Variants in CDH12 observed in about 807,000 individuals in gnomAD.
CDH12 encodes the protein cadherin-12.
In CDH12, 41 loss-of-function variants were observed where a neutral mutation model predicts 74.1. The observed-to-expected ratio is 0.55, with a 90% CI of 0.43 to 0.72. The LOEUF (loss-of-function observed/expected upper bound fraction) is 0.72. CDH12 is among the 30% of genes least tolerant of loss of function. The pLI, the probability that CDH12 is intolerant of heterozygous loss-of-function variation, is 0.00. For synonymous variants in CDH12, 399 were observed against 355.0 expected (o/e 1.12, Z -1.39); for missense variants, 945 against 977.2 (o/e 0.97, Z 0.44).
At chr5:22,625,786 A>G (rs1738257865) in intron 1 of CDH12, among the ~76,000 whole-genome samples, 1 of 152,100 alleles carries the variant, frequency 6.6e-6, no homozygotes, top group Non-Finnish European at 1.5e-5. Context: ...CTTTCCTGGC[A>G]GACCACACCT....
At chr5:22,377,322 G>C (rs534522038) in intron 3 of CDH12, among the ~76,000 whole-genome samples, 1 of 152,256 alleles carries the variant, frequency 6.6e-6, no homozygotes, top group East Asian at 1.9e-4. Context: ...GACAGCAACA[G>C]AGTTTATAAA....
At position 22,363,003 on chromosome 5, in the gene CDH12, G is replaced by C. The variant is rs1312344229; in HGVS notation, c.-333+42254C>G. Among the ~76,000 whole-genome samples, 3 of 149,904 alleles carry C rather than the reference G, an allele frequency of 2.0e-5. No homozygotes were observed. In the East Asian group the frequency reaches 5.8e-4, roughly 29 times the overall value. On this transcript the variant is annotated intron_variant, in intron 3 of 14. Coordinates refer to ENST00000382254, the MANE Select transcript of CDH12 (RefSeq NM_004061.5). ...GCTAAATGACGAGTTAATGGGTGCA[G>C]CACACCAACATGGCACATGTATATG...
chr5:22,302,496 A>G (rs1428317161), intron 3 of CDH12, among the ~76,000 whole-genome samples: 1 of 152,168 alleles, frequency 6.6e-6, no homozygotes, highest in East Asian at 1.9e-4. Flanking sequence ...GGATAGGTTG[A>G]ATTTAAACCG....
intron 1 of CDH12, among the ~76,000 whole-genome samples, chr5:22,714,219 G>T (rs1580917672): frequency 6.6e-6 from 1 of 152,166 alleles, no homozygotes; most frequent in East Asian, 1.9e-4. Flanking sequence ...AGAGCGATTT[G>T]GGCACTTGAT....
At chr5:21,925,941 T>A (rs1350352085) in intron 6 of CDH12, among the ~76,000 whole-genome samples, 1 of 149,522 alleles carries the variant, frequency 6.7e-6, no homozygotes. Context: ...ATGCTTTTGA[T>A]AAAAAAAAAA....
intron 1 of CDH12, among the ~76,000 whole-genome samples, chr5:22,837,265 T>A (rs1290023999): frequency 6.6e-6 from 1 of 151,696 alleles, no homozygotes; most frequent in Non-Finnish European, 1.5e-5. Context: ...GAACAAAAAT[T>A]TTAAAAAAAT....
chr5:21,921,929 C>T (rs1262751409), intron 6 of CDH12, among the ~76,000 whole-genome samples: 1 of 152,184 alleles, frequency 6.6e-6, no homozygotes, highest in Non-Finnish European at 1.5e-5. Context: ...GGCTAACTCA[C>T]TGTCAAAGCT....
At chr5:21,907,449 G>T (rs958679915) in intron 6 of CDH12, among the ~76,000 whole-genome samples, 1 of 152,194 alleles carries the variant, frequency 6.6e-6, no homozygotes, top group African/African-American at 2.4e-5. Context: ...TCCTATGTTG[G>T]CAAAGGGAGG....
At chr5:21,759,441 A>C (rs1744590996) in intron 13 of CDH12, among the ~76,000 whole-genome samples, 1 of 150,020 alleles carries the variant, frequency 6.7e-6, no homozygotes, top group African/African-American at 2.5e-5. Flanking sequence ...ATAAAAGTAT[A>C]AGTGTAAACC....
intron 4 of CDH12, among the ~76,000 whole-genome samples, chr5:22,155,781 A>C (rs1413397743): frequency 6.6e-6 from 1 of 152,194 alleles, no homozygotes; most frequent in East Asian, 1.9e-4. Flanking sequence ...CACAGGCAAC[A>C]CTGATGTAAA....
intron 1 of CDH12, among the ~76,000 whole-genome samples, chr5:22,606,958 T>C (rs887321211): frequency 3.9e-5 from 6 of 152,150 alleles, no homozygotes; most frequent in African/African-American, 1.4e-4. Flanking sequence ...GATTAGGAAT[T>C]TCTTGGAAAC....
chr5:22,534,030 GA>G (rs529646160), intron 1 of CDH12, among the ~76,000 whole-genome samples: 135 of 152,054 alleles, frequency 8.9e-4, no homozygotes, highest in Non-Finnish European at 1.5e-3. Context: ...CCAAGACAAT[GA>G]AAAAATTTTT....
intron 3 of CDH12, among the ~76,000 whole-genome samples, chr5:22,300,424 A>C (rs570811012): frequency 4.6e-5 from 7 of 152,272 alleles, no homozygotes; most frequent in African/African-American, 1.4e-4. Flanking sequence ...GAAGTTCCAA[A>C]TTATATTTCC....
intron 4 of CDH12, among the ~76,000 whole-genome samples, chr5:22,161,744 GA>G (rs570977631): frequency 0.012 from 1,117 of 95,184 alleles, 19 homozygotes; most frequent in African/African-American, 0.049. Flanking sequence ...GAGAGAGAGG[GA>G]GGGGGGAAAA....
At position 22,166,859 on chromosome 5, in the gene CDH12, T is replaced by A. The variant is rs1748711236; in HGVS notation, c.-187+45639A>T. Among the ~76,000 whole-genome samples the A allele has an allele frequency of 2.6e-5, 4 of 152,076 alleles. No homozygotes were observed. In the South Asian group the frequency reaches 6.2e-4, roughly 24 times the overall value. On this transcript the variant is annotated intron_variant, in intron 4 of 14. Coordinates refer to ENST00000382254, the MANE Select transcript of CDH12 (RefSeq NM_004061.5). The stretch of plus-strand genomic sequence containing the variant: ...AGAAAGAATATATCTTATATTATTT[T>A]AAAAAAAGCAAAAAATGATGGCAAA...
intron 3 of CDH12, among the ~76,000 whole-genome samples, chr5:22,221,922 TTTTAC>T (rs1306761632): frequency 6.6e-6 from 1 of 151,938 alleles, no homozygotes; most frequent in Non-Finnish European, 1.5e-5. Context: ...AAGCTGGTCT[TTTTAC>T]TTTAATTGTT....
At chr5:22,718,890 C>A (rs1743728406) in intron 1 of CDH12, among the ~76,000 whole-genome samples, 1 of 152,188 alleles carries the variant, frequency 6.6e-6, no homozygotes, top group African/African-American at 2.4e-5. Context: ...GGAAGCTCTG[C>A]ATGTGGATCT....
At chr5:22,153,881 TATATATAA>T (rs1277854044) in intron 4 of CDH12, among the ~76,000 whole-genome samples, 62 of 55,158 alleles carry the variant, frequency 1.1e-3, no homozygotes, top group African/African-American at 2.3e-3. Context: ...TGTATATATA[TATATATAA>T]ATATATATAT....
intron 5 of CDH12, among the ~76,000 whole-genome samples, chr5:22,002,980 T>A (rs1290966915): frequency 6.6e-6 from 1 of 152,086 alleles, no homozygotes; most frequent in African/African-American, 2.4e-5. Context: ...TCAAAAATGA[T>A]ATAGCTAAAG....
Sources: allele counts gnomAD v4.1 joint callset (sites outside exome capture counted in the v4.1 genomes callset), GRCh38; gene constraint gnomAD v4.1.1; transcripts MANE v1.5; gene names NCBI Gene and HGNC (gene_info 2026-07-23, HGNC 2026-07-21).